The following SLC25A12 variants were observed in gnomAD, a reference collection of about 807,000 sequenced individuals.
SLC25A12 encodes electrogenic aspartate/glutamate antiporter SLC25A12, mitochondrial.
Under a neutral mutation model 83.3 loss-of-function variants are expected in SLC25A12, and 32 were observed. The ratio of observed to expected loss-of-function variants is 0.38; its 90% CI spans 0.29 to 0.52. The LOEUF is 0.52. SLC25A12 is among the 20% of genes least tolerant of loss of function. The probability of loss-of-function intolerance (pLI) is 0.84; values close to 1 mark genes in which losing one functional copy is unlikely to be tolerated. For missense variants in SLC25A12, 611 were observed against 835.6 expected, an observed-to-expected ratio of 0.73 and a Z score of 3.31; for synonymous variants, 267 against 291.1, an observed-to-expected ratio of 0.92 and a Z score of 0.84.
At chr2:171,791,089 T>C (rs1229784993) in intron 15 of SLC25A12, among the ~76,000 whole-genome samples, 1 of 152,048 alleles carries the variant, frequency 6.6e-6, no homozygotes, top group Non-Finnish European at 1.5e-5. Context: ...GAGCATGAGA[T>C]ACAGCTAAGC....
At chr2:171,803,043 T>A (rs1683743420) in intron 13 of SLC25A12, among the ~76,000 whole-genome samples, 1 of 150,618 alleles carries the variant, frequency 6.6e-6, no homozygotes. Flanking sequence ...ATGAAAACAT[T>A]AGAAGGAAAT....
At chr2:171,852,674 C>G (rs1332653865) in intron 4 of SLC25A12, 3 of 455,068 alleles carry the variant, frequency 6.6e-6, no homozygotes, top group South Asian at 4.7e-5. Flanking sequence ...TGACCTTTAC[C>G]CCAGATCCAA....
rs2105864919 is a variant in SLC25A12 at position 171,815,165 on chromosome 2, A to G, written c.968T>C (p.Ile323Thr). ...PGLGRPIWLQ[I>T]AESAYRFTLG... The stretch of plus-strand genomic sequence containing the variant: ...AGTGAATCTGTAAGCAGACTCGGCA[A>G]TCTGGAGCCAGATAGGCCTGCCTAA... The change falls in exon 10 of 18, where the codon ATT becomes ACT. Residue 323 changes from isoleucine to threonine, a missense_variant. Transcript: ENST00000422440. The G allele has an allele frequency of 1.9e-6, 3 of 1,613,912 alleles. No homozygotes were observed. Among genetic ancestry groups the G allele is most frequent in the Non-Finnish European group, 1.7e-6 (2 of 1,179,864 alleles).
intron 3 of SLC25A12, among the ~76,000 whole-genome samples, chr2:171,858,703 C>T (rs1165014761): frequency 1.3e-5 from 2 of 152,128 alleles, no homozygotes; most frequent in African/African-American, 4.8e-5. Context: ...TTTTGATAAA[C>T]TGCAAGTGTG....
intron 2 of SLC25A12, among the ~76,000 whole-genome samples, chr2:171,887,694 T>A (rs1685848949): frequency 6.6e-6 from 1 of 152,038 alleles, no homozygotes; most frequent in African/African-American, 2.4e-5. Context: ...TGAGAGAGGT[T>A]AAAAGAAAAA....
intron 2 of SLC25A12, among the ~76,000 whole-genome samples, chr2:171,886,670 C>T (rs1036577618): frequency 3.3e-5 from 5 of 151,962 alleles, no homozygotes; most frequent in South Asian, 4.2e-4. Context: ...CCACCATGCC[C>T]GGCTAATTTT....
intron 4 of SLC25A12, among the ~76,000 whole-genome samples, chr2:171,848,832 A>G (rs1573980099): frequency 6.6e-6 from 1 of 152,220 alleles, no homozygotes; most frequent in East Asian, 1.9e-4. Context: ...CTGCACAGTC[A>G]ATAGAGTAGT....
intron 2 of SLC25A12, among the ~76,000 whole-genome samples, chr2:171,873,766 ATG>A (rs1558940673): frequency 6.6e-6 from 1 of 152,054 alleles, no homozygotes; most frequent in Admixed American, 6.6e-5. Flanking sequence ...ATCCAAATAT[ATG>A]TGTGTATATA....
rs1034277307 is a variant in SLC25A12 at position 171,793,715 on chromosome 2, C to T, written c.1358G>A (p.Arg453His). The change falls in exon 14 of 18, where the codon CGT becomes CAT. Residue 453 changes from arginine (R) to histidine (H), a missense_variant. Arg to His is a conservative substitution (Grantham distance 29, BLOSUM62 0). Coordinates refer to ENST00000422440, the MANE Select transcript of SLC25A12 (RefSeq NM_003705.5). ...GGTGATCTCTCCAGCTACTTGCAGA[C>T]GAATCTTCACTATCTCCAATGGGTT... ...FTNPLEIVKI[R>H]LQVAGEITTG... 4 of 1,614,130 alleles carry T rather than the reference C, an allele frequency of 2.5e-6. No individual in the cohort carries two copies. The highest frequency in any genetic ancestry group is 3.4e-6 in the Non-Finnish European group (4 of 1,180,016).
chr2:171,820,333 T>C (rs1333614704), intron 9 of SLC25A12, among the ~76,000 whole-genome samples: 2 of 152,114 alleles, frequency 1.3e-5, no homozygotes, highest in East Asian at 1.9e-4. Flanking sequence ...TAATTTCCCA[T>C]AGAAACAAAA....
intron 15 of SLC25A12, 78 bp from the exon 16 acceptor site, chr2:171,788,025 G>A (rs1317741851): frequency 6.9e-7 from 1 of 1,451,632 alleles, no homozygotes; most frequent in Non-Finnish European, 9.6e-7. Context: ...CTACTATAGA[G>A]CCTGCAACTT....
chr2:171,813,315 A>G, intron 11 of SLC25A12, 24 bp downstream of exon 11: 1 of 1,613,496 alleles, frequency 6.2e-7, no homozygotes, highest in Non-Finnish European at 8.5e-7. Flanking sequence ...CACTAACTTC[A>G]GCAGCTGGGA....
chr2:171,832,664 C>T (rs1684467756), intron 8 of SLC25A12, among the ~76,000 whole-genome samples: 1 of 152,170 alleles, frequency 6.6e-6, no homozygotes, highest in Non-Finnish European at 1.5e-5. Context: ...GCAGGAATAG[C>T]AATAGGAGTT....
In SLC25A12 at chr2:171,801,756, A is replaced by G. The variant is rs971310871; in HGVS notation, c.1305+7850T>C. On this transcript the variant is annotated intron_variant, in intron 13 of 17. Transcript: ENST00000422440. Reference sequence around the variant, plus strand: ...TGATTTTGCCCAATTATAGGCTAACATAAGTGTTCTGAGCATGTTTTAGGT... The same window carrying G: ...TGATTTTGCCCAATTATAGGCTAACGTAAGTGTTCTGAGCATGTTTTAGGT... Among the ~76,000 whole-genome samples, 4 of 152,304 alleles carry G rather than the reference A, an allele frequency of 2.6e-5. No homozygotes were observed. The East Asian group carries it at 7.7e-4, about 29-fold the overall frequency.
At chr2:171,866,800 G>C in intron 3 of SLC25A12, among the ~76,000 whole-genome samples, 1 of 148,042 alleles carries the variant, frequency 6.8e-6, no homozygotes, top group Non-Finnish European at 1.5e-5. Flanking sequence ...CGGGGCGGCT[G>C]GCCTGGCGGG....
At chr2:171,827,273 G>A (rs1355466145) in intron 8 of SLC25A12, among the ~76,000 whole-genome samples, 7 of 151,584 alleles carry the variant, frequency 4.6e-5, no homozygotes, top group African/African-American at 9.7e-5. Flanking sequence ...TGGTTGCCTC[G>A]AAGGAAAGGA....
chr2:171,848,212 A>G (rs1684840740), intron 4 of SLC25A12: 1 of 471,096 alleles, frequency 2.1e-6, no homozygotes, highest in South Asian at 1.5e-5. Context: ...GACTGCCACC[A>G]TGCCTGTTCC....
chr2:171,867,841 T>A (rs1035014141), intron 3 of SLC25A12, among the ~76,000 whole-genome samples: 15 of 152,076 alleles, frequency 9.9e-5, no homozygotes, highest in East Asian at 1.9e-4. Flanking sequence ...AACAACAAAA[T>A]TTTTTTTAAA....
intron 2 of SLC25A12, among the ~76,000 whole-genome samples, chr2:171,875,178 G>GCCA (rs1459072930): frequency 6.6e-6 from 1 of 152,130 alleles, no homozygotes. Flanking sequence ...CCAATTGCGG[G>GCCA]CCACCACTTC....
Sources: gnomAD v4.1 joint callset for allele counts (sites outside exome capture counted in the v4.1 genomes callset) on GRCh38, gnomAD v4.1.1 for gene constraint, MANE v1.5 for transcripts, NCBI Gene and HGNC (gene_info 2026-07-23, HGNC 2026-07-21) for gene names.